The following NTRK1 variants were observed in gnomAD, a reference collection of about 807,000 sequenced individuals.
The protein encoded by NTRK1 is neurotrophic receptor tyrosine kinase 1, also known as high affinity nerve growth factor receptor.
A neutral mutation model predicts 86.8 loss-of-function variants in NTRK1; 62 were observed. The observed-to-expected ratio is 0.71, with a 90% confidence interval of 0.58 to 0.88. The LOEUF (loss-of-function observed/expected upper bound fraction) is 0.88, where lower values mean the gene tolerates loss of function less well. Ranked by LOEUF, NTRK1 falls within the 40% of genes least tolerant of loss-of-function variation. The probability of loss-of-function intolerance (pLI) is 0.00; values close to 1 mark genes in which losing one functional copy is unlikely to be tolerated. For missense variants in NTRK1, 967 were observed against 1,078.4 expected, an observed-to-expected ratio of 0.90 and a Z score of 1.45; for synonymous variants, 469 against 456.6, an observed-to-expected ratio of 1.03 and a Z score of -0.35.
At chr1:156,855,289 C>T (rs1249378975) in intron 2 of NTRK1, among the ~76,000 whole-genome samples, 1 of 152,014 alleles carries the variant, frequency 6.6e-6, no homozygotes, top group African/African-American at 2.4e-5. Flanking sequence ...CTGCAGCCTC[C>T]ATCTCCTGAG....
chr1:156,841,428 C>T (rs747025388), intron 1 of NTRK1: 2 of 1,613,908 alleles, frequency 1.2e-6, no homozygotes, highest in South Asian at 2.2e-5. Context: ...TCCTCCAGGA[C>T]CCCGCCATCC....
At chr1:156,876,650 C>A (rs1647938978) in intron 14 of NTRK1, 78 bp downstream of exon 14, 3 of 1,507,844 alleles carry the variant, frequency 2.0e-6, no homozygotes, top group South Asian at 1.2e-5. Context: ...GACATCCCTG[C>A]TTGTCTTTCA....
At chr1:156,874,080 G>A (rs1647744104) in intron 8 of NTRK1, 121 bp downstream of exon 8, 1 of 1,086,352 alleles carries the variant, frequency 9.2e-7, no homozygotes, top group Non-Finnish European at 1.4e-6. Context: ...AAAGGAGTCT[G>A]GAGTCCTGGT....
intron 2 of NTRK1, chr1:156,848,902 C>CCCCGCCCCCGCTCCGGT: frequency 6.4e-7 from 1 of 1,552,600 alleles, no homozygotes; most frequent in Non-Finnish European, 8.7e-7. Flanking sequence ...CCCGCTCCGG[C>CCCCGCCCCCGCTCCGGT]CCCGCCCCCG....
chr1:156,873,076 G>GT (rs1157700776), intron 7 of NTRK1, among the ~76,000 whole-genome samples: 2 of 147,000 alleles, frequency 1.4e-5, no homozygotes, highest in Non-Finnish European at 3.0e-5. Context: ...AAGAGATGGG[G>GT]TCTCAGCCTG....
intron 2 of NTRK1, chr1:156,848,840 C>A: frequency 6.7e-7 from 1 of 1,488,318 alleles, no homozygotes. Context: ...TCGCTGAGCT[C>A]CGCCCTCACC....
At chr1:156,827,936 A>T (rs528355427) in intron 1 of NTRK1, among the ~76,000 whole-genome samples, 4 of 152,254 alleles carry the variant, frequency 2.6e-5, no homozygotes, top group Non-Finnish European at 1.5e-5. Context: ...GAAGGTATGA[A>T]AAAAACTTAT....
chr1:156,841,620 C>T (rs752751634), intron 1 of NTRK1: 1 of 1,609,740 alleles, frequency 6.2e-7, no homozygotes, highest in Admixed American at 1.7e-5. Context: ...CTCCCCAGAT[C>T]CCGCCTCCAC....
rs749232952 is a variant in NTRK1 at position 156,871,604 on chromosome 1, C to T, written c.718-19C>T. On this transcript the variant is annotated intron_variant, in intron 6 of 16. Transcript: ENST00000524377. ...TGGCTAAAGCTCCTTCTTATTCCCC[C>T]CTCTCTTTCCTGATCTAGAAATCTG... is the stretch of plus-strand genomic sequence containing the variant. 1.3e-5 allele frequency: 21 copies of T among 1,614,010 alleles called. No homozygotes were observed. The East Asian group carries it at 2.0e-4, about 15-fold the overall frequency.
At chr1:156,828,466 G>A (rs375702801) in intron 1 of NTRK1, among the ~76,000 whole-genome samples, 1 of 152,376 alleles carries the variant, frequency 6.6e-6, no homozygotes, top group African/African-American at 2.4e-5. Flanking sequence ...AGCCCTTCCA[G>A]GGAGAGGCAG....
intron 7 of NTRK1, 74 bp from the exon 8 acceptor site, chr1:156,873,559 G>A (rs2102904364): frequency 7.7e-7 from 1 of 1,302,314 alleles, no homozygotes. Flanking sequence ...CTTTGCCCGT[G>A]GACTTGTCGG....
intron 2 of NTRK1, chr1:156,844,197 C>A: frequency 6.2e-7 from 1 of 1,613,822 alleles, no homozygotes; most frequent in South Asian, 1.1e-5. Context: ...TAGAAGAAAC[C>A]AAGGGCAGCA....
intron 6 of NTRK1, 58 bp downstream of exon 6, chr1:156,868,705 G>C: frequency 6.5e-7 from 1 of 1,542,094 alleles, no homozygotes; most frequent in Non-Finnish European, 8.7e-7. Context: ...AGGGGACAAA[G>C]ATGGGGAAAG....
chr1:156,868,863 A>T (rs1384603542), intron 6 of NTRK1, among the ~76,000 whole-genome samples: 1 of 152,184 alleles, frequency 6.6e-6, no homozygotes, highest in Non-Finnish European at 1.5e-5. Flanking sequence ...GCACTGACCC[A>T]GCAGGGACCC....
intron 2 of NTRK1, chr1:156,843,424 T>C (rs761992228): frequency 6.2e-7 from 1 of 1,614,086 alleles, no homozygotes; most frequent in South Asian, 1.1e-5. Flanking sequence ...CTCCCAGACC[T>C]ACTATCAGAG....
At chr1:156,863,837 G>A (rs113196937) in intron 1 of NTRK1, among the ~76,000 whole-genome samples, 2,883 of 152,256 alleles carry the variant, frequency 0.019, 71 homozygotes, top group African/African-American at 0.061. Flanking sequence ...AAGTGTTTCA[G>A]TACAACCTCC....
chr1:156,874,123 C>A (rs1382090107), intron 8 of NTRK1, 164 bp downstream of exon 8: 2 of 882,608 alleles, frequency 2.3e-6, no homozygotes, highest in Non-Finnish European at 3.6e-6. Context: ...ACCCTCTCCC[C>A]AAGCCAGGAC....
chr1:156,880,974 G>T (rs1327432677), intron 16 of NTRK1, among the ~76,000 whole-genome samples: 1 of 152,150 alleles, frequency 6.6e-6, no homozygotes, highest in African/African-American at 2.4e-5. Context: ...CCACAGAGTG[G>T]TATCCCTAGA....
At chr1:156,825,123 A>G (rs1654287291) in intron 1 of NTRK1, among the ~76,000 whole-genome samples, 2 of 152,182 alleles carry the variant, frequency 1.3e-5, no homozygotes, top group Admixed American at 1.3e-4. Context: ...TCCCGACCTC[A>G]GGTGATCCGC....
Sources: allele counts gnomAD v4.1 joint callset (sites outside exome capture counted in the v4.1 genomes callset), GRCh38; gene constraint gnomAD v4.1.1; transcripts MANE v1.5; gene names NCBI Gene and HGNC (gene_info 2026-07-23, HGNC 2026-07-21).